Variants in ESRRG observed in about 807,000 individuals in gnomAD.
The protein encoded by ESRRG is estrogen-related receptor gamma.
A neutral mutation model predicts 44.0 loss-of-function variants in ESRRG; 13 were observed. That is an observed-to-expected ratio of 0.30 (90% CI 0.19 to 0.47). The LOEUF is 0.47. ESRRG is among the 20% of genes least tolerant of loss of function. The pLI is 1.00. For synonymous variants in ESRRG, 215 were observed against 214.6 expected, an observed-to-expected ratio of 1.00 and a Z score of -0.02; for missense variants, 395 against 580.6, an observed-to-expected ratio of 0.68 and a Z score of 3.29.
At chr1:216,980,143 T>A (rs557084293) in intron 1 of ESRRG, among the ~76,000 whole-genome samples, 1 of 152,210 alleles carries the variant, frequency 6.6e-6, no homozygotes, top group Non-Finnish European at 1.5e-5. Flanking sequence ...TAAATCCTAC[T>A]TTTTCTTGTT....
At chr1:216,525,892 G>T (rs1471631030) in intron 5 of ESRRG, among the ~76,000 whole-genome samples, 6 of 152,068 alleles carry the variant, frequency 3.9e-5, no homozygotes, top group Non-Finnish European at 5.9e-5. Context: ...TCCCACTTTG[G>T]AACCAGATAT....
intron 3 of ESRRG, among the ~76,000 whole-genome samples, chr1:216,644,242 A>G (rs547221511): frequency 2.0e-5 from 3 of 152,148 alleles, no homozygotes; most frequent in South Asian, 2.1e-4. Context: ...GCAAATGCCA[A>G]TTCTCAACCT....
chr1:216,887,532 T>C (rs959177626), intron 2 of ESRRG, among the ~76,000 whole-genome samples: 3 of 152,226 alleles, frequency 2.0e-5, no homozygotes, highest in African/African-American at 7.2e-5. Flanking sequence ...TCCTGGCATG[T>C]ACTTGGAATT....
At chr1:217,134,178 C>G (rs1411321631) in intron 1 of ESRRG, among the ~76,000 whole-genome samples, 1 of 152,072 alleles carries the variant, frequency 6.6e-6, no homozygotes, top group Non-Finnish European at 1.5e-5. Flanking sequence ...GAACAGACCG[C>G]GCTCCAGCCC....
chr1:216,704,936 A>G lies in ESRRG; in HGVS notation c.56+18308T>C, dbSNP rs184073980. On this transcript the variant is annotated intron_variant, in intron 1 of 6. Transcript: ENST00000408911. ...ATTTACAATTTATAATCATTTTTAT[A>G]TAAATTAGCTCTTCCTAGTCCACAA... Among the ~76,000 whole-genome samples the G allele has an allele frequency of 1.1e-4, 17 of 152,322 alleles. 1 individual carries two copies. In the East Asian group the frequency reaches 3.1e-3, roughly 28 times the overall value.
chr1:216,743,503 A>C (rs1316582264), intron 2 of ESRRG, among the ~76,000 whole-genome samples: 1 of 152,184 alleles, frequency 6.6e-6, no homozygotes, highest in African/African-American at 2.4e-5. Flanking sequence ...GCTGGTTTAA[A>C]TTTTCTGAAA....
intron 3 of ESRRG, among the ~76,000 whole-genome samples, chr1:216,574,501 T>C (rs1174525038): frequency 6.6e-6 from 1 of 152,166 alleles, no homozygotes; most frequent in Non-Finnish European, 1.5e-5. Flanking sequence ...ATTTTTCACA[T>C]CTTTAATAGC....
intron 1 of ESRRG, among the ~76,000 whole-genome samples, chr1:216,962,715 A>G (rs2069374109): frequency 6.6e-6 from 1 of 152,212 alleles, no homozygotes; most frequent in Non-Finnish European, 1.5e-5. Context: ...GGAACCATTG[A>G]AATCTAATCA....
intron 2 of ESRRG, among the ~76,000 whole-genome samples, chr1:216,873,078 C>T (rs2096280622): frequency 6.6e-6 from 1 of 152,096 alleles, no homozygotes; most frequent in Non-Finnish European, 1.5e-5. Flanking sequence ...TGTGTGTGCA[C>T]CACCCAGTGT....
chr1:216,890,997 G>T (rs1192161708), intron 2 of ESRRG, among the ~76,000 whole-genome samples: 1 of 152,006 alleles, frequency 6.6e-6, no homozygotes, highest in African/African-American at 2.4e-5. Context: ...GATCTTATTT[G>T]GGCAAAAAGC....
intron 3 of ESRRG, among the ~76,000 whole-genome samples, chr1:216,601,099 T>C (rs1222100235): frequency 1.3e-5 from 2 of 151,732 alleles, no homozygotes; most frequent in Non-Finnish European, 2.9e-5. Context: ...CAGCAGCGGG[T>C]TGGGGAGCAA....
Position 216,888,236 on chromosome 1 carries a change from C to A in ESRRG, c.-14+51346G>T, listed in dbSNP as rs1485913615. On this transcript the variant is annotated intron_variant, in intron 2 of 7. Transcript: ENST00000359162. Reference sequence around the variant, plus strand: ...AGGTGTTTTTCTCATGGCAACAATTCGTTATTACAGCTGCAGAATTTTTAA... The same window carrying A: ...AGGTGTTTTTCTCATGGCAACAATTAGTTATTACAGCTGCAGAATTTTTAA... Among the ~76,000 whole-genome samples, 4 of 152,256 alleles carry A rather than the reference C, an allele frequency of 2.6e-5. No homozygotes were observed. In the Middle Eastern group the frequency reaches 0.01, roughly 388 times the overall value.
At chr1:217,004,098 T>A (rs1375732374) in intron 1 of ESRRG, among the ~76,000 whole-genome samples, 2 of 152,084 alleles carry the variant, frequency 1.3e-5, no homozygotes, top group South Asian at 2.1e-4. Context: ...ATGCATAGAC[T>A]GTGTTATTAA....
At chr1:216,573,740 C>G (rs2061237245) in intron 3 of ESRRG, among the ~76,000 whole-genome samples, 1 of 151,678 alleles carries the variant, frequency 6.6e-6, no homozygotes, top group Non-Finnish European at 1.5e-5. Context: ...AGAAGAGATA[C>G]AGAAACAAAT....
At chr1:216,883,520 A>G (rs1462812037) in intron 2 of ESRRG, among the ~76,000 whole-genome samples, 2 of 151,902 alleles carry the variant, frequency 1.3e-5, no homozygotes, top group South Asian at 2.1e-4. Context: ...GAGAGATTCT[A>G]TTGCTTCGAT....
intron 2 of ESRRG, among the ~76,000 whole-genome samples, chr1:216,853,227 A>G (rs1057509672): frequency 1.3e-5 from 2 of 152,174 alleles, no homozygotes; most frequent in Non-Finnish European, 2.9e-5. Flanking sequence ...GCTGACTGGT[A>G]GCAAAGAAAA....
chr1:216,862,246 A>G (rs1223278516), intron 2 of ESRRG: 3 of 144,294 alleles, frequency 2.1e-5, no homozygotes, highest in Non-Finnish European at 4.5e-5. Context: ...TTTTTTTTAG[A>G]CAGAATCTTG....
rs140746871 is a variant in ESRRG, at chr1:217,079,713, A to G, written c.-106+9794T>C. ...TTTTTGTGAAGTTTTAAAGAATAAC[A>G]CATGTCAAGGGCTTACCACAGCGCC... On this transcript the variant is annotated intron_variant, in intron 1 of 7. Transcript: ENST00000359162. 2.5e-4 allele frequency among the ~76,000 whole-genome samples: 38 copies of G among 152,308 alleles called. 1 individual carries two copies. The highest frequency in any genetic ancestry group is 8.4e-4 in the African/African-American group (35 of 41,572).
At chr1:216,837,180 C>T (rs563088008) in intron 2 of ESRRG, among the ~76,000 whole-genome samples, 7 of 151,816 alleles carry the variant, frequency 4.6e-5, no homozygotes, top group South Asian at 2.1e-4. Context: ...GAGGCCGAGG[C>T]GGGCAGATCA....
Sources: allele counts gnomAD v4.1 joint callset (sites outside exome capture counted in the v4.1 genomes callset), GRCh38; gene constraint gnomAD v4.1.1; transcripts MANE v1.5; gene names NCBI Gene and HGNC (gene_info 2026-07-23, HGNC 2026-07-21).